FRMPD4: variants seen among roughly 807,000 people sequenced by gnomAD.
FRMPD4 encodes the protein FERM and PDZ domain-containing protein 4.
FRMPD4 carries 22 observed loss-of-function variants against 94.1 expected under a neutral mutation model. The observed-to-expected ratio is 0.23, with a 90% CI of 0.17 to 0.33. FRMPD4 has a LOEUF of 0.33. Ranked by LOEUF, FRMPD4 falls within the 10% of genes least tolerant of loss-of-function variation. The pLI, the probability that FRMPD4 is intolerant of heterozygous loss-of-function variation, is 1.00. For missense variants in FRMPD4, 1,111 were observed against 1,339.9 expected, an observed-to-expected ratio of 0.83 and a Z score of 2.67; for synonymous variants, 631 against 548.6, an observed-to-expected ratio of 1.15 and a Z score of -2.10.
At chrX:12,430,848 G>A (rs188079289) in intron 1 of FRMPD4, among the ~76,000 whole-genome samples, 139 of 112,140 alleles carry the variant, frequency 1.2e-3, no homozygotes, top group African/African-American at 4.4e-3. Context: ...TTGTCTCTAG[G>A]TAAAATGACA....
intron 1 of FRMPD4, among the ~76,000 whole-genome samples, chrX:12,153,206 G>A (rs1293015532): frequency 4.5e-5 from 5 of 111,433 alleles, no homozygotes; most frequent in African/African-American, 1.6e-4. Context: ...AAAGTGCTGG[G>A]ATTACAGGCG....
chrX:12,407,505 A>T (rs2056680206), intron 1 of FRMPD4, among the ~76,000 whole-genome samples: 1 of 111,753 alleles, frequency 8.9e-6, no homozygotes. Flanking sequence ...ACACCTCCCT[A>T]GTAGGGTGAC....
At chrX:12,137,033 C>T (rs1489700416), upstream of FRMPD4, among the ~76,000 whole-genome samples, 2 of 110,684 alleles carry the variant, frequency 1.8e-5, no homozygotes, top group Non-Finnish European at 3.8e-5. Context: ...TGCGATGAGA[C>T]TCCAATGCAA....
At chrX:12,139,135 A>G (rs2055649778) in intron 1 of FRMPD4, 123 bp downstream of exon 1, 1 of 519,391 alleles carries the variant, frequency 1.9e-6, no homozygotes, top group Non-Finnish European at 2.9e-6. Context: ...AAGACAAACG[A>G]AGTGGCCGGG....
rs772153559 is a variant in FRMPD4 at position 12,474,376 on chromosome X, G to C, written c.42-24304G>C. On this transcript the variant is annotated intron_variant, in intron 1 of 16. Coordinates refer to ENST00000675598, the MANE Select transcript of FRMPD4 (RefSeq NM_001368397.1). ...GAAAGCAGGAAAGATCTAAAATCAAGACCCTAATATCACAATTAAAAGAAC... is the reference window on the plus strand; with the variant it reads ...GAAAGCAGGAAAGATCTAAAATCAACACCCTAATATCACAATTAAAAGAAC... 2.3e-3 allele frequency among the ~76,000 whole-genome samples: 250 copies of C among 110,910 alleles called. 1 individual carries two copies. Among genetic ancestry groups the C allele is most frequent in the African/African-American group, 7.7e-3 (233 of 30,304 alleles).
intron 1 of FRMPD4, among the ~76,000 whole-genome samples, chrX:12,416,203 C>T (rs1205888666): frequency 9.1e-6 from 1 of 109,685 alleles, no homozygotes; most frequent in Non-Finnish European, 1.9e-5. Context: ...CTCCTTTCTT[C>T]CCTTTCTCCT....
Position 12,573,126 on chromosome X carries a change from A to T in FRMPD4, c.159-36595A>T, listed in dbSNP as rs192800240. 6.8e-3 allele frequency among the ~76,000 whole-genome samples: 757 copies of T among 111,927 alleles called. 3 individuals carry two copies. The highest frequency in any genetic ancestry group is 0.011 in the Non-Finnish European group (597 of 53,156). On this transcript the variant is annotated intron_variant, in intron 2 of 16. Coordinates refer to ENST00000675598, the MANE Select transcript of FRMPD4 (RefSeq NM_001368397.1). ...TGCTAAAGAAGTATATTTAAGGGTG[A>T]CATATTCTGATCTCCTATAGTCATT...
chrX:11,825,190 TTGTGTGTG>T (rs747320680), intron 1 of FRMPD4, among the ~76,000 whole-genome samples: 1,206 of 80,120 alleles, frequency 0.015, 29 homozygotes, highest in African/African-American at 0.044. Flanking sequence ...TGTGTCTTCT[TTGTGTGTG>T]TGTGTGTGTG....
chrX:12,066,479 G>T (rs1304762441), intron 3 of FRMPD4, among the ~76,000 whole-genome samples: 2 of 112,019 alleles, frequency 1.8e-5, no homozygotes, highest in Non-Finnish European at 3.8e-5. Context: ...AAATATATTT[G>T]TTGGGATGTT....
At chrX:12,575,915 A>C (rs2058807837) in intron 2 of FRMPD4, among the ~76,000 whole-genome samples, 1 of 112,241 alleles carries the variant, frequency 8.9e-6, no homozygotes, top group Admixed American at 9.4e-5. Flanking sequence ...CAACACCCTG[A>C]TTTTAGCCTA....
intron 1 of FRMPD4, among the ~76,000 whole-genome samples, chrX:12,188,767 A>T (rs1033929766): frequency 1.8e-5 from 2 of 111,766 alleles, no homozygotes; most frequent in African/African-American, 6.5e-5. Flanking sequence ...AACAAACAAT[A>T]GCAAAATCAT....
intron 3 of FRMPD4, among the ~76,000 whole-genome samples, chrX:12,012,071 T>C (rs2054583710): frequency 9.0e-6 from 1 of 110,766 alleles, no homozygotes; most frequent in South Asian, 3.9e-4. Flanking sequence ...CAGCTAATTT[T>C]TGTATTTTTA....
intron 1 of FRMPD4, among the ~76,000 whole-genome samples, chrX:12,477,421 T>A (rs2057616938): frequency 8.9e-6 from 1 of 112,098 alleles, no homozygotes; most frequent in African/African-American, 3.2e-5. Context: ...AACCTGCACG[T>A]TGTGCACATG....
chrX:12,441,735 G>GTCTC (rs770358226), intron 1 of FRMPD4, among the ~76,000 whole-genome samples: 69 of 112,105 alleles, frequency 6.2e-4, no homozygotes, highest in Non-Finnish European at 1.1e-3. Context: ...ATAGAACAAG[G>GTCTC]TCTCTCAATT....
chrX:11,891,524 G>A (rs1365269644), intron 3 of FRMPD4, among the ~76,000 whole-genome samples: 3 of 112,300 alleles, frequency 2.7e-5, no homozygotes, highest in Non-Finnish European at 3.8e-5. Context: ...CAATATTTAT[G>A]TTTGCTTTGT....
chrX:12,629,811 A>G (rs922203785), intron 4 of FRMPD4, among the ~76,000 whole-genome samples: 3 of 112,260 alleles, frequency 2.7e-5, no homozygotes, highest in Non-Finnish European at 3.8e-5. Context: ...GCCTGTAGCA[A>G]GTTAGGTCAC....
intron 1 of FRMPD4, among the ~76,000 whole-genome samples, chrX:12,281,994 A>G (rs1300539692): frequency 8.9e-6 from 1 of 111,808 alleles, no homozygotes; most frequent in Admixed American, 9.5e-5. Flanking sequence ...AAGTTTGATT[A>G]ATATGCATCT....
At chrX:12,030,006 T>A (rs1378928104) in intron 3 of FRMPD4, among the ~76,000 whole-genome samples, 1 of 111,848 alleles carries the variant, frequency 8.9e-6, no homozygotes, top group Non-Finnish European at 1.9e-5. Context: ...TTATCATCTG[T>A]CAAATGAGAA....
At position 11,877,104 on chromosome X, in the gene FRMPD4, T is replaced by C. The variant is rs1199069578; in HGVS notation, c.-29-791T>C. Reference sequence around the variant, plus strand: ...TATCACCCAAAAGAGTATTCCCTAGTGCCCTCTGTCTATGGCATGGGAAGC... The same window carrying C: ...TATCACCCAAAAGAGTATTCCCTAGCGCCCTCTGTCTATGGCATGGGAAGC... On this transcript the variant is annotated intron_variant, in intron 2 of 18. Coordinates refer to the FRMPD4 transcript ENST00000640291. Among the ~76,000 whole-genome samples, 8 of 112,319 alleles carry C rather than the reference T, an allele frequency of 7.1e-5. No homozygotes were observed. The Admixed American group carries it at 7.5e-4, about 11-fold the overall frequency.
Sources: gnomAD v4.1 joint callset for allele counts (sites outside exome capture counted in the v4.1 genomes callset) on GRCh38, gnomAD v4.1.1 for gene constraint, MANE v1.5 for transcripts, NCBI Gene and HGNC (gene_info 2026-07-23, HGNC 2026-07-21) for gene names.